CPAP: variants seen among roughly 807,000 people sequenced by gnomAD.
The protein encoded by CPAP is centrosome assembly and centriole elongation protein.
At chr13:24,912,699 C>T in the CPAP span, 45 of 1,613,980 alleles carry the variant, frequency 2.8e-5, no homozygotes, top group East Asian at 4.5e-5. Flanking sequence ...TGTGACATGC[C>T]GCTACCTGTG....
chr13:24,930,723 C>T, the CPAP span, among the ~76,000 whole-genome samples: 1 of 152,130 alleles, frequency 6.6e-6, no homozygotes, highest in Non-Finnish European at 1.5e-5. Context: ...TTGATGGGCA[C>T]CTGAGTTGAT....
chr13:24,933,107 G>C, the CPAP span: 3 of 1,583,142 alleles, frequency 1.9e-6, no homozygotes, highest in Non-Finnish European at 2.6e-6. Flanking sequence ...GAAAATGGCG[G>C]AAAGTTTTCC....
the CPAP span, among the ~76,000 whole-genome samples, chr13:24,916,880 T>G: frequency 1.3e-5 from 2 of 152,212 alleles, no homozygotes; most frequent in Non-Finnish European, 2.9e-5. Flanking sequence ...ATGGAAGTAG[T>G]GAATATATCC....
chr13:24,907,253 T>G, the CPAP span: 1 of 1,376,586 alleles, frequency 7.3e-7, no homozygotes, highest in African/African-American at 1.4e-5. Context: ...ATTTTACACT[T>G]AGTGTGCCTG....
chr13:24,921,045 C>T, the CPAP span, among the ~76,000 whole-genome samples: 1 of 152,096 alleles, frequency 6.6e-6, no homozygotes, highest in Non-Finnish European at 1.5e-5. Flanking sequence ...GTTGATCATA[C>T]AAATTGAGTC....
At chr13:24,933,817 T>G in the CPAP span, among the ~76,000 whole-genome samples, 26,762 of 151,992 alleles carry the variant, frequency 0.18, 2,542 homozygotes, top group South Asian at 0.34. Flanking sequence ...TTCCGCCTCC[T>G]GAGTTCAAGC....
At chr13:24,904,134 T>C in the CPAP span, 1 of 1,515,984 alleles carries the variant, frequency 6.6e-7, no homozygotes, top group South Asian at 1.1e-5. Context: ...CTAGTAACAC[T>C]AAGAGCCAAG....
chr13:24,908,592 C>T, the CPAP span, among the ~76,000 whole-genome samples: 1 of 88,046 alleles, frequency 1.1e-5, no homozygotes, highest in Non-Finnish European at 2.2e-5. Context: ...GACCCTGTCT[C>T]AAAAATAAAA....
chr13:24,909,755 T>G, the CPAP span: 1 of 1,580,178 alleles, frequency 6.3e-7, no homozygotes, highest in South Asian at 1.1e-5. Flanking sequence ...TTAGTAACAC[T>G]ATAAGCACAG....
chr13:24,894,234 T>A, the CPAP span, among the ~76,000 whole-genome samples: 2 of 152,112 alleles, frequency 1.3e-5, no homozygotes, highest in Non-Finnish European at 2.9e-5. Flanking sequence ...GCGAAGGGGA[T>A]CCGTTGTCAC....
chr13:24,910,886 A>C, the CPAP span, among the ~76,000 whole-genome samples: 58 of 152,154 alleles, frequency 3.8e-4, no homozygotes, highest in African/African-American at 1.3e-3. Context: ...AAATTCCCTA[A>C]ACCATTGTTT....
At chr13:24,903,448 T>G in the CPAP span, among the ~76,000 whole-genome samples, 1 of 152,126 alleles carries the variant, frequency 6.6e-6, no homozygotes, top group African/African-American at 2.4e-5. Flanking sequence ...AGGCAGAGAC[T>G]GGAGTGATGT....
the CPAP span, chr13:24,884,250 A>G: frequency 3.7e-6 from 6 of 1,614,010 alleles, no homozygotes; most frequent in African/African-American, 6.7e-5. Flanking sequence ...GTAGATCTGT[A>G]AAGACACACA....
the CPAP span, chr13:24,886,200 C>CTATG: frequency 2.8e-6 from 2 of 705,500 alleles, no homozygotes; most frequent in Admixed American, 2.3e-5. Context: ...TATTTTCATC[C>CTATG]TATGTGCCAA....
the CPAP span, among the ~76,000 whole-genome samples, chr13:24,923,386 A>G: frequency 6.6e-6 from 1 of 152,202 alleles, no homozygotes; most frequent in Admixed American, 6.5e-5. Context: ...GTAAGACGAA[A>G]ATAACCCTAT....
the CPAP span, chr13:24,885,312 T>G: frequency 6.2e-7 from 1 of 1,613,742 alleles, no homozygotes; most frequent in South Asian, 1.1e-5. Flanking sequence ...CCTGTATGTC[T>G]TGGTCTTCCT....
chr13:24,916,478 T>C, the CPAP span, among the ~76,000 whole-genome samples: 1 of 152,194 alleles, frequency 6.6e-6, no homozygotes, highest in African/African-American at 2.4e-5. Context: ...ACTGAAGAGA[T>C]GGAAATGAAA....
chr13:24,889,154 G>T, the CPAP span: 1 of 644,104 alleles, frequency 1.6e-6, no homozygotes, highest in Non-Finnish European at 2.8e-6. Flanking sequence ...GAAATTAACT[G>T]GCGGAATAAG....
chr13:24,882,478 AGTAATCTC>A, the CPAP span: 1 of 135,698 alleles, frequency 7.4e-6, no homozygotes, highest in African/African-American at 2.5e-5. Flanking sequence ...ATGAGGCTAC[AGTAATCTC>A]ACTGTGGTAA....
Sources: gnomAD v4.1 joint callset for allele counts (sites outside exome capture counted in the v4.1 genomes callset) on GRCh38, gnomAD v4.1.1 for gene constraint, MANE v1.5 for transcripts, NCBI Gene and HGNC (gene_info 2026-07-23, HGNC 2026-07-21) for gene names.